Variants in FBRSL1 observed in about 807,000 individuals in gnomAD.
The protein encoded by FBRSL1 is fibrosin-1-like protein.
In FBRSL1, 51 loss-of-function variants were observed where a neutral mutation model predicts 89.6. That is an observed-to-expected ratio of 0.57 (90% confidence interval 0.45 to 0.72). The LOEUF is 0.72. Ranked by LOEUF, FBRSL1 falls within the 30% of genes least tolerant of loss-of-function variation. The probability of loss-of-function intolerance (pLI) is 0.00; values close to 1 mark genes in which losing one functional copy is unlikely to be tolerated. For synonymous variants in FBRSL1, 779 were observed against 681.1 expected (o/e 1.14, Z -2.24); for missense variants, 1,618 against 1,451.8 (o/e 1.11, Z -1.86).
At chr12:132,529,812 C>T (rs771885460) in intron 4 of FBRSL1, among the ~76,000 whole-genome samples, 10 of 149,174 alleles carry the variant, frequency 6.7e-5, no homozygotes, top group Non-Finnish European at 1.5e-4. Context: ...CCTGGTTTGG[C>T]CCAGAGTCCG....
At chr12:132,575,787 GCAT>G (rs368640350) in intron 14 of FBRSL1, among the ~76,000 whole-genome samples, 85 of 152,262 alleles carry the variant, frequency 5.6e-4, no homozygotes, top group African/African-American at 1.9e-3. Context: ...GAGTACCCCA[GCAT>G]CATCATGGCC....
intron 5 of FBRSL1, chr12:132,551,614 G>A: frequency 2.2e-6 from 1 of 455,748 alleles, no homozygotes; most frequent in South Asian, 1.5e-5. Flanking sequence ...GACTCACCCT[G>A]GGCTCTCCTG....
rs1254047656 is a variant in FBRSL1, at chr12:132,490,203, A to G, written c.-368A>G. 1 of 9,546 alleles carries G rather than the reference A, an allele frequency of 1.0e-4. No homozygotes were observed. 0.6% of individuals were successfully genotyped at this position (9,546 alleles called of 1,614,324 possible). ...CCGCCGCCTCACGAGCCCGGTGCCCAGGAGCCCGGCCGCCTCCCGCCTGCC... is the reference window on the plus strand; with the variant it reads ...CCGCCGCCTCACGAGCCCGGTGCCCGGGAGCCCGGCCGCCTCCCGCCTGCC... On this transcript the variant is annotated 5_prime_UTR_variant, in exon 1 of 19. Coordinates refer to ENST00000680143, the MANE Select transcript of FBRSL1 (RefSeq NM_001367871.1).
chr12:132,515,812 A>G (rs572123990), intron 2 of FBRSL1, among the ~76,000 whole-genome samples: 1 of 150,642 alleles, frequency 6.6e-6, no homozygotes, highest in South Asian at 2.1e-4. Context: ...AGGCATGCCA[A>G]TCACTTGAAC....
At chr12:132,508,771 G>A (rs147540289) in intron 2 of FBRSL1, among the ~76,000 whole-genome samples, 3 of 152,362 alleles carry the variant, frequency 2.0e-5, no homozygotes, top group Non-Finnish European at 4.4e-5. Context: ...TCACGTGTGC[G>A]GCGTGGGGAA....
intron 4 of FBRSL1, among the ~76,000 whole-genome samples, chr12:132,530,321 C>T (rs1285646915): frequency 1.3e-5 from 2 of 152,188 alleles, no homozygotes; most frequent in African/African-American, 4.8e-5. Flanking sequence ...CTGATGCAGA[C>T]TCCATGGGCA....
intron 1 of FBRSL1, among the ~76,000 whole-genome samples, chr12:132,502,281 T>C (rs1234155999): frequency 2.0e-5 from 3 of 152,214 alleles, no homozygotes; most frequent in African/African-American, 7.2e-5. Context: ...CGGGGCAGGC[T>C]CCAGCCCTTT....
chr12:132,538,374 T>TCCC lies in FBRSL1; in HGVS notation c.616-9627_616-9625dup, dbSNP rs1440864119. Among the ~76,000 whole-genome samples, 4 of 152,154 alleles carry TCCC rather than the reference T, an allele frequency of 2.6e-5. No individual in the cohort carries two copies. In the East Asian group the frequency reaches 7.7e-4, roughly 29 times the overall value. On this transcript the variant is annotated intron_variant, in intron 4 of 18. Transcript: ENST00000680143. ...GCAGCCCCACCACTCCCCTTTCCCA[T>TCCC]CCCCAGCTGTCTCTTCACGGGCCTG...
chr12:132,555,916 G>A (rs2038596073), intron 5 of FBRSL1, among the ~76,000 whole-genome samples: 1 of 152,158 alleles, frequency 6.6e-6, no homozygotes, highest in Non-Finnish European at 1.5e-5. Flanking sequence ...CCAGCCTTCA[G>A]GGCCGGTTGT....
chr12:132,521,674 C>T (rs112760659), intron 2 of FBRSL1, among the ~76,000 whole-genome samples: 33 of 152,208 alleles, frequency 2.2e-4, no homozygotes, highest in African/African-American at 6.7e-4. Context: ...TGGTGTGATC[C>T]GATTGGTGTG....
intron 4 of FBRSL1, among the ~76,000 whole-genome samples, chr12:132,531,282 A>T (rs1467975500): frequency 6.6e-6 from 1 of 152,058 alleles, no homozygotes; most frequent in African/African-American, 2.4e-5. Context: ...GAAGCCTGGG[A>T]CCCACTAGTG....
intron 5 of FBRSL1, chr12:132,552,473 C>T (rs2038258566): frequency 1.3e-5 from 2 of 151,334 alleles, no homozygotes; most frequent in Non-Finnish European, 2.9e-5. Flanking sequence ...TTGGGGCACT[C>T]ACCCCGCAGG....
At chr12:132,542,026 C>T in intron 4 of FBRSL1, among the ~76,000 whole-genome samples, 1 of 152,248 alleles carries the variant, frequency 6.6e-6, no homozygotes, top group East Asian at 1.9e-4. Context: ...TGGTCCTTTT[C>T]CCCACTCGGC....
In FBRSL1 at chr12:132,581,653, C is replaced by T. The variant is rs369751895; in HGVS notation, c.1913-88C>T. On this transcript the variant is annotated intron_variant, in intron 16 of 18. Transcript: ENST00000680143. Reference sequence around the variant, plus strand: ...TCATGCAGGCAGTACCCACCAGGCCCAAAGCCTCTACAGCAGCCCCCACTG... The same window carrying T: ...TCATGCAGGCAGTACCCACCAGGCCTAAAGCCTCTACAGCAGCCCCCACTG... 6.9e-5 allele frequency: 103 copies of T among 1,497,420 alleles called. No homozygotes were observed. In the East Asian group the frequency reaches 2.4e-3, roughly 34 times the overall value. The allele number at this position is 1,497,420 out of a possible 1,614,324, so 92.8% of individuals were successfully genotyped here.
chr12:132,572,144 G>A (rs2040065284), intron 9 of FBRSL1, 144 bp from the exon 10 acceptor site: 5 of 687,166 alleles, frequency 7.3e-6, no homozygotes, highest in Non-Finnish European at 1.2e-5. Context: ...CTCTAGAGGA[G>A]CCTGGGACGG....
Position 132,583,512 on chromosome 12 carries a change from C to T in FBRSL1, c.2743C>T (p.Pro915Ser). 2 of 1,043,604 alleles carry T rather than the reference C, an allele frequency of 1.9e-6. No homozygotes were observed. The highest frequency in any genetic ancestry group is 2.3e-6 in the Non-Finnish European group (2 of 867,052). 64.6% of individuals were successfully genotyped at this position (1,043,604 alleles called of 1,614,324 possible). The part of the protein sequence containing the change: ...ARAPHLPPAA[P>S]ALDGALLPSL... ...GGCCCCGCACCTGCCGCCCGCCGCC[C>T]CCGCCTTGGACGGCGCGCTGCTGCC... The change falls in exon 19 of 19, where the codon CCC becomes TCC. Residue 915 changes from proline to serine, a missense_variant. Physicochemically the swap from Pro to Ser is moderately conservative, Grantham distance 74 (BLOSUM62 -1). Transcript: ENST00000680143.
chr12:132,490,853 G>T lies in FBRSL1; in HGVS notation c.283G>T (p.Ala95Ser), dbSNP rs1360192423. 3 of 1,408,614 alleles carry T rather than the reference G, an allele frequency of 2.1e-6. No homozygotes were observed. The highest frequency in any genetic ancestry group is 2.7e-5 in the Admixed American group (1 of 36,482). The allele number at this position is 1,408,614 out of a possible 1,614,324, so 87.3% of individuals were successfully genotyped here. A position where few individuals can be genotyped will look rare whatever the true frequency, so the allele number is the denominator to read the frequency against. The change falls in exon 1 of 19, where the codon GCC becomes TCC. Residue 95 changes from alanine (A) to serine (S), a missense_variant. Coordinates refer to ENST00000680143, the MANE Select transcript of FBRSL1 (RefSeq NM_001367871.1). The stretch of plus-strand genomic sequence containing the variant: ...CATCGCCAGCTTCAGCACCCTGGAG[G>T]CCCTGGAGGTAGGTGGACGGGTGCG... ...FAIASFSTLE[A>S]LEKDMALKPH... is the part of the protein sequence containing the mutation.
At position 132,581,803 on chromosome 12, in the gene FBRSL1, G is replaced by C; in HGVS notation, c.1975G>C (p.Gly659Arg). ...CAGCCTGAGCAGCCACGCCTTTGGG[G>C]GCCTGGGCAGCCATGCACTGGGTGA... ...LGSLSSHAFG[G>R]LGSHALAPGG... The change falls in exon 17 of 19, where the codon GGC becomes CGC. Residue 659 changes from glycine (G) to arginine (R), a missense_variant. Coordinates refer to ENST00000680143, the MANE Select transcript of FBRSL1 (RefSeq NM_001367871.1). 1 of 1,548,568 alleles carries C rather than the reference G, an allele frequency of 6.5e-7. No individual in the cohort carries two copies. The highest frequency in any genetic ancestry group is 1.2e-5 in the South Asian group (1 of 83,920).
intron 4 of FBRSL1, among the ~76,000 whole-genome samples, chr12:132,532,818 T>C (rs1311281039): frequency 3.3e-5 from 5 of 152,098 alleles, no homozygotes; most frequent in Non-Finnish European, 7.4e-5. Flanking sequence ...GCCCACCCCG[T>C]GTGCTTGGGG....
Sources: gnomAD v4.1 joint callset for allele counts (sites outside exome capture counted in the v4.1 genomes callset) on GRCh38, gnomAD v4.1.1 for gene constraint, MANE v1.5 for transcripts, NCBI Gene and HGNC (gene_info 2026-07-23, HGNC 2026-07-21) for gene names.